Variants in FGF1 observed in about 807,000 individuals in gnomAD.
FGF1 encodes the protein fibroblast growth factor 1, also known as beta-endothelial cell growth factor.
In FGF1, 9 loss-of-function variants were observed where a neutral mutation model predicts 13.4. That is an observed-to-expected ratio of 0.67 (90% confidence interval 0.40 to 1.17). The LOEUF (loss-of-function observed/expected upper bound fraction) is 1.17. Among genes scored for constraint, FGF1 ranks in the 50% most tolerant of loss-of-function variants. FGF1 has a pLI of 0.01. For synonymous variants in FGF1, 93 were observed against 79.0 expected (o/e 1.18, Z -0.94); for missense variants, 156 against 192.7 (o/e 0.81, Z 1.13).
intron 1 of FGF1, among the ~76,000 whole-genome samples, chr5:142,665,612 C>T (rs1159306961): frequency 6.6e-6 from 1 of 152,140 alleles, no homozygotes; most frequent in African/African-American, 2.4e-5. Flanking sequence ...ACTCAGTGAC[C>T]TCAATATGTT....
At chr5:142,619,831 C>G (rs528253542) in intron 1 of FGF1, among the ~76,000 whole-genome samples, 4 of 146,324 alleles carry the variant, frequency 2.7e-5, no homozygotes, top group Non-Finnish European at 4.6e-5. Context: ...GAAACTCCGT[C>G]TCAAGAAAAA....
intron 1 of FGF1, among the ~76,000 whole-genome samples, chr5:142,682,619 A>G (rs1306688790): frequency 1.3e-5 from 2 of 152,186 alleles, no homozygotes; most frequent in African/African-American, 2.4e-5. Flanking sequence ...GAATCTATGT[A>G]CTTAGCTAAT....
chr5:142,625,498 A>T (rs1762312422), intron 1 of FGF1, among the ~76,000 whole-genome samples: 1 of 152,204 alleles, frequency 6.6e-6, no homozygotes, highest in Non-Finnish European at 1.5e-5. Flanking sequence ...AGAAAACAGT[A>T]TCCACTCCAG....
rs17223493 is a variant in FGF1 at position 142,621,902 on chromosome 5, A to G, written c.-34-7741T>C. ...TGGTTAACTCCTAATTTTTCTTCAA[A>G]TTTTAGTTCAACTCTCAATTCCTCA... On this transcript the variant is annotated intron_variant, in intron 1 of 3. Coordinates refer to ENST00000337706, the MANE Select transcript of FGF1 (RefSeq NM_000800.5). Among the ~76,000 whole-genome samples the G allele has an allele frequency of 1.1e-4, 16 of 151,986 alleles. No homozygotes were observed. The East Asian group carries it at 1.7e-3, about 16-fold the overall frequency.
At chr5:142,656,345 TA>T (rs11393714) in intron 1 of FGF1, among the ~76,000 whole-genome samples, 4 of 151,334 alleles carry the variant, frequency 2.6e-5, no homozygotes, top group Admixed American at 6.6e-5. Flanking sequence ...ATATCTTGAT[TA>T]AAAAAAAAGC....
chr5:142,607,206 G>T (rs1025775072), intron 2 of FGF1, among the ~76,000 whole-genome samples: 46 of 152,260 alleles, frequency 3.0e-4, no homozygotes, highest in African/African-American at 1.1e-3. Context: ...GGGCAGACAG[G>T]GACCCAGGAG....
intron 1 of FGF1, among the ~76,000 whole-genome samples, chr5:142,658,183 C>G (rs1243607857): frequency 6.6e-6 from 1 of 152,228 alleles, no homozygotes; most frequent in Non-Finnish European, 1.5e-5. Context: ...TTCCCTTTCC[C>G]TCACTCCCAC....
intron 1 of FGF1, among the ~76,000 whole-genome samples, chr5:142,622,935 A>G (rs562815983): frequency 2.0e-5 from 3 of 152,336 alleles, no homozygotes; most frequent in South Asian, 4.1e-4. Context: ...GGACTTGACT[A>G]TGGGATGGAC....
chr5:142,634,029 C>CAAA (rs35294166), intron 1 of FGF1, among the ~76,000 whole-genome samples: 22 of 144,002 alleles, frequency 1.5e-4, no homozygotes, highest in Non-Finnish European at 1.8e-4. Context: ...CTAAAAATAC[C>CAAA]AAAAAAAAAA....
At chr5:142,599,529 G>A (rs910985005) in intron 3 of FGF1, among the ~76,000 whole-genome samples, 2 of 152,208 alleles carry the variant, frequency 1.3e-5, no homozygotes, top group Non-Finnish European at 2.9e-5. Flanking sequence ...AGGGAGGAAA[G>A]GGGTGTGGAT....
chr5:142,643,339 C>A (rs574693521), intron 1 of FGF1, among the ~76,000 whole-genome samples: 2 of 151,896 alleles, frequency 1.3e-5, no homozygotes, highest in African/African-American at 4.8e-5. Flanking sequence ...ATGACAAAAG[C>A]CATTCCTGGG....
intron 2 of FGF1, among the ~76,000 whole-genome samples, chr5:142,609,622 C>T (rs1028665828): frequency 9.9e-5 from 15 of 152,192 alleles, no homozygotes; most frequent in African/African-American, 3.6e-4. Flanking sequence ...GACAAAGAGT[C>T]ACCCTCAGTT....
intron 1 of FGF1, among the ~76,000 whole-genome samples, chr5:142,664,118 A>C (rs542618803): frequency 6.6e-6 from 1 of 152,338 alleles, no homozygotes; most frequent in Admixed American, 6.5e-5. Context: ...AGCAGTTCCA[A>C]GTGAGCCCAA....
Position 142,630,459 on chromosome 5 carries a change from T to C in FGF1, c.-34-16298A>G, listed in dbSNP as rs549989803. Among the ~76,000 whole-genome samples, 24 of 152,312 alleles carry C rather than the reference T, an allele frequency of 1.6e-4. 1 individual carries two copies. The South Asian group carries it at 4.8e-3, about 30-fold the overall frequency. On this transcript the variant is annotated intron_variant, in intron 1 of 3. Transcript: ENST00000337706. ...GGCCCCCTCCCATCACTTTTACACA[T>C]AGAGCCAGAGAGATCTTTTAAAGTT...
intron 1 of FGF1, among the ~76,000 whole-genome samples, chr5:142,635,803 T>C (rs1764154904): frequency 6.6e-6 from 1 of 152,208 alleles, no homozygotes; most frequent in African/African-American, 2.4e-5. Context: ...CTCCCTAGTC[T>C]GGGTGATATT....
rs1034583798 is a variant in FGF1, at chr5:142,593,578, T to G, written c.*1712A>C. On this transcript the variant is annotated 3_prime_UTR_variant, in exon 4 of 4. Coordinates refer to ENST00000337706, the MANE Select transcript of FGF1 (RefSeq NM_000800.5). ...GAGCTAACACTCTCATCAATTTTTA[T>G]TCACAATTACCATTGCTTAAGAGTT... 25 of 152,214 alleles carry G rather than the reference T, an allele frequency of 1.6e-4. No homozygotes were observed. The highest frequency in any genetic ancestry group is 5.8e-4 in the African/African-American group (24 of 41,460). 9.4% of individuals were successfully genotyped at this position (152,214 alleles called of 1,614,324 possible).
intron 2 of FGF1, among the ~76,000 whole-genome samples, chr5:142,694,173 C>A (rs1342001717): frequency 6.6e-6 from 1 of 151,548 alleles, no homozygotes; most frequent in Non-Finnish European, 1.5e-5. Context: ...GTATTCCCCC[C>A]CACCCTGCCC....
At chr5:142,608,804 T>C (rs1758409958) in intron 2 of FGF1, among the ~76,000 whole-genome samples, 1 of 149,294 alleles carries the variant, frequency 6.7e-6, no homozygotes, top group Non-Finnish European at 1.5e-5. Context: ...ATTATGTGTG[T>C]GTGTGTGTGT....
At chr5:142,689,923 G>A (rs112504226), upstream of FGF1, among the ~76,000 whole-genome samples, 10,313 of 150,022 alleles carry the variant, frequency 0.069, 575 homozygotes, top group Middle Eastern at 0.15. Context: ...GAATGGTCTC[G>A]ATCTCCTGAT....
Sources: gnomAD v4.1 joint callset for allele counts (sites outside exome capture counted in the v4.1 genomes callset) on GRCh38, gnomAD v4.1.1 for gene constraint, MANE v1.5 for transcripts, NCBI Gene and HGNC (gene_info 2026-07-23, HGNC 2026-07-21) for gene names.